Variants in ANXA6 observed in about 807,000 individuals in gnomAD.
ANXA6 encodes annexin A6, also known as 67 kDa calelectrin.
Under a neutral mutation model 95.4 loss-of-function variants are expected in ANXA6, and 71 were observed. The observed-to-expected ratio is 0.74, with a 90% CI of 0.61 to 0.91. The LOEUF is 0.91. ANXA6 is among the 40% of genes least tolerant of loss of function. The probability of loss-of-function intolerance (pLI) is 0.00; values close to 1 mark genes in which losing one functional copy is unlikely to be tolerated. For synonymous variants in ANXA6, 289 were observed against 315.9 expected (o/e 0.91, Z 0.90); for missense variants, 830 against 876.4 (o/e 0.95, Z 0.67).
At chr5:151,131,378 G>A in intron 10 of ANXA6, 89 bp from the exon 11 acceptor site, 1 of 1,349,620 alleles carries the variant, frequency 7.4e-7, no homozygotes, top group East Asian at 2.3e-5. Flanking sequence ...TCTATTCCTT[G>A]AGGGCCACCT....
chr5:151,125,341 C>CA (rs34691391), intron 14 of ANXA6, among the ~76,000 whole-genome samples: 7,917 of 118,092 alleles, frequency 0.067, 481 homozygotes, highest in South Asian at 0.21. Context: ...GACCCTGTCT[C>CA]AAAAAAAAAA....
intron 24 of ANXA6, 141 bp from the exon 25 acceptor site, chr5:151,103,833 A>C: frequency 9.5e-7 from 1 of 1,057,326 alleles, no homozygotes. Flanking sequence ...TCTTCTGCAA[A>C]CAGTCCTGAC....
intron 16 of ANXA6, 93 bp downstream of exon 16, chr5:151,122,824 G>T: frequency 9.0e-7 from 1 of 1,112,372 alleles, no homozygotes. Flanking sequence ...GAAGACCCTG[G>T]TGCCCAACTG....
At chr5:151,132,453 A>G (rs1181425491) in intron 10 of ANXA6, 23 bp downstream of exon 10, 1 of 1,586,996 alleles carries the variant, frequency 6.3e-7, no homozygotes, top group Middle Eastern at 1.7e-4. Flanking sequence ...TAAAGCCCCC[A>G]GGAATGCAAC....
chr5:151,126,648 C>T (rs551085873), intron 13 of ANXA6, among the ~76,000 whole-genome samples, 168 bp from the exon 14 acceptor site: 25 of 152,250 alleles, frequency 1.6e-4, no homozygotes, highest in East Asian at 9.7e-4. Flanking sequence ...CTCCTCCATT[C>T]GCCAGAGTCC....
At chr5:151,135,482 G>A (rs923261801) in intron 7 of ANXA6, among the ~76,000 whole-genome samples, 6 of 152,182 alleles carry the variant, frequency 3.9e-5, no homozygotes, top group African/African-American at 1.4e-4. Context: ...ATGGGGGAAC[G>A]AGGAAACATA....
chr5:151,139,062 G>A (rs1043034568), intron 4 of ANXA6: 49 of 591,742 alleles, frequency 8.3e-5, no homozygotes, highest in South Asian at 1.8e-4. Context: ...CTGTTTCCTC[G>A]TTTACTGTGT....
At position 151,115,443 on chromosome 5, in the gene ANXA6, A is replaced by G. The variant is rs891678560; in HGVS notation, c.1572+1684T>C. On this transcript the variant is annotated intron_variant, in intron 20 of 25. Transcript: ENST00000354546. ...ATTTCCACCCGGGTTCTCTCTCTCC[A>G]CTTCTCTCCTTTTGCGAAGCAGCTG... Among the ~76,000 whole-genome samples the G allele has an allele frequency of 1.9e-4, 29 of 152,046 alleles. 1 individual carries two copies. The highest frequency in any genetic ancestry group is 1.9e-3 in the Admixed American group (29 of 15,270).
chr5:151,152,784 G>A lies in ANXA6; in HGVS notation c.-25-4858C>T, dbSNP rs535362991. 3.9e-5 allele frequency among the ~76,000 whole-genome samples: 6 copies of A among 152,186 alleles called. No homozygotes were observed. In the East Asian group the frequency reaches 7.7e-4, roughly 20 times the overall value. On this transcript the variant is annotated intron_variant, in intron 1 of 25. Transcript: ENST00000354546. ...TGATAGAGGTGCACAGTCAAAATCT[G>A]GATTCAATGGAATGGAGGCAGGGGC... is the stretch of plus-strand genomic sequence containing the variant.
intron 6 of ANXA6, among the ~76,000 whole-genome samples, chr5:151,137,008 A>G (rs1765682556): frequency 6.6e-6 from 1 of 152,130 alleles, no homozygotes; most frequent in East Asian, 1.9e-4. Context: ...TTATCTCATT[A>G]TCTCATTGGC....
chr5:151,147,990 T>C, intron 1 of ANXA6, 64 bp from the exon 2 acceptor site: 1 of 1,472,878 alleles, frequency 6.8e-7, no homozygotes, highest in Non-Finnish European at 9.3e-7. Context: ...TTCTTTCCCT[T>C]ACATTTCCTC....
intron 6 of ANXA6, among the ~76,000 whole-genome samples, chr5:151,136,868 T>A (rs1765679101): frequency 6.6e-6 from 1 of 152,214 alleles, no homozygotes; most frequent in Non-Finnish European, 1.5e-5. Context: ...ATACGATTGG[T>A]TCCTCATTTC....
chr5:151,113,425 A>G (rs1487786330), intron 20 of ANXA6, among the ~76,000 whole-genome samples: 1 of 152,164 alleles, frequency 6.6e-6, no homozygotes, highest in African/African-American at 2.4e-5. Flanking sequence ...ATATAAAATG[A>G]TTAATATGGT....
rs567270888 is a variant in ANXA6 at position 151,133,388 on chromosome 5, A to G, written c.547-201T>C. 1.6e-4 allele frequency: 90 copies of G among 555,066 alleles called. 1 individual carries two copies. Among genetic ancestry groups the G allele is most frequent in the Admixed American group, 3.4e-4 (11 of 32,786 alleles). The allele number at this position is 555,066 out of a possible 1,614,324, so 34.4% of individuals were successfully genotyped here. A position where few individuals can be genotyped will look rare whatever the true frequency, so the allele number is the denominator to read the frequency against. On this transcript the variant is annotated intron_variant, in intron 8 of 25. Transcript: ENST00000354546. ...ACTGCCATTGTTAGGCGACTTTGCC[A>G]TTGTGTGATCATAGAGCACTCGCAC...
intron 24 of ANXA6, among the ~76,000 whole-genome samples, chr5:151,104,677 C>T (rs1191431238): frequency 1.3e-5 from 2 of 152,210 alleles, no homozygotes; most frequent in Non-Finnish European, 2.9e-5. Context: ...CCCAGGCTAT[C>T]TGCAGTTGAG....
intron 25 of ANXA6, among the ~76,000 whole-genome samples, chr5:151,101,908 C>T (rs745460413): frequency 2.0e-5 from 3 of 152,238 alleles, no homozygotes; most frequent in Non-Finnish European, 4.4e-5. Context: ...CACTCTCTTG[C>T]GTCAGGAGGC....
At chr5:151,132,170 T>C (rs1373618786) in intron 10 of ANXA6, among the ~76,000 whole-genome samples, 1 of 152,160 alleles carries the variant, frequency 6.6e-6, no homozygotes, top group Non-Finnish European at 1.5e-5. Flanking sequence ...TGGCATGCAC[T>C]AGATGCTCAA....
chr5:151,101,333 CCT>C lies in ANXA6; in HGVS notation c.*113_*114del. The C allele has an allele frequency of 2.9e-6, 1 of 342,880 alleles. No homozygotes were observed. Among genetic ancestry groups the C allele is most frequent in the South Asian group, 2.3e-5 (1 of 44,418 alleles). The allele number at this position is 342,880 out of a possible 1,614,324, so 21.2% of individuals were successfully genotyped here. ...CTGAAGATAAGAGCCCAACCCAACC[CCT>C]CCCCCCACCCCTGCCCCTTCCTTAG... On this transcript the variant is annotated 3_prime_UTR_variant, in exon 26 of 26. Coordinates refer to ENST00000354546, the MANE Select transcript of ANXA6 (RefSeq NM_001155.5).
chr5:151,145,252 C>T (rs1312769877), intron 2 of ANXA6, among the ~76,000 whole-genome samples: 1 of 152,328 alleles, frequency 6.6e-6, no homozygotes, highest in Middle Eastern at 3.4e-3. Flanking sequence ...GAGATGATGT[C>T]CCCAGAGAGA....
Sources: allele counts gnomAD v4.1 joint callset (sites outside exome capture counted in the v4.1 genomes callset), GRCh38; gene constraint gnomAD v4.1.1; transcripts MANE v1.5; gene names NCBI Gene and HGNC (gene_info 2026-07-23, HGNC 2026-07-21).